The following SCLT1 variants were observed in gnomAD, a reference collection of about 807,000 sequenced individuals.
The protein encoded by SCLT1 is sodium channel and clathrin linker 1.
A neutral mutation model predicts 112.8 loss-of-function variants in SCLT1; 78 were observed. The ratio of observed to expected loss-of-function variants is 0.69; its 90% CI spans 0.58 to 0.83. SCLT1 has a LOEUF of 0.83. SCLT1 is among the 40% of genes least tolerant of loss of function. SCLT1 has a pLI of 0.00. For missense variants in SCLT1, 747 were observed against 770.4 expected (o/e 0.97, Z 0.36); for synonymous variants, 257 against 254.7 (o/e 1.01, Z -0.09).
intron 9 of SCLT1, among the ~76,000 whole-genome samples, chr4:128,980,902 G>A (rs1741590649): frequency 6.6e-6 from 1 of 152,120 alleles, no homozygotes; most frequent in South Asian, 2.1e-4. Flanking sequence ...GAAAATAATT[G>A]TGCCCTTAGA....
intron 2 of SCLT1, among the ~76,000 whole-genome samples, chr4:129,049,395 C>T (rs1211741964): frequency 4.1e-5 from 6 of 147,910 alleles, no homozygotes; most frequent in Non-Finnish European, 7.4e-5. Context: ...AACCAAACAC[C>T]GCATGTTCTC....
chr4:129,086,810 T>G (rs1211558273), intron 1 of SCLT1, among the ~76,000 whole-genome samples: 1 of 151,642 alleles, frequency 6.6e-6, no homozygotes, highest in Non-Finnish European at 1.5e-5. Context: ...GATGAGGAGG[T>G]CAAAGAACAG....
chr4:128,968,156 A>G (rs1225511559), intron 10 of SCLT1, among the ~76,000 whole-genome samples: 5 of 152,020 alleles, frequency 3.3e-5, no homozygotes, highest in African/African-American at 1.2e-4. Context: ...TTATTTCTTT[A>G]ATTTTTTTCT....
intron 5 of SCLT1, among the ~76,000 whole-genome samples, chr4:129,007,789 T>A (rs1217064918): frequency 6.6e-6 from 1 of 152,146 alleles, no homozygotes; most frequent in African/African-American, 2.4e-5. Context: ...GTCTTGACTT[T>A]AAAAAAACAA....
At chr4:129,019,134 G>T (rs898768985) in intron 5 of SCLT1, among the ~76,000 whole-genome samples, 14 of 152,004 alleles carry the variant, frequency 9.2e-5, no homozygotes, top group Admixed American at 9.2e-4. Flanking sequence ...TATAGTCCAA[G>T]ACTTTAATTT....
At chr4:128,968,555 C>A (rs72922045) in intron 10 of SCLT1, among the ~76,000 whole-genome samples, 1,850 of 152,214 alleles carry the variant, frequency 0.012, 28 homozygotes, top group Middle Eastern at 0.037. Context: ...TCTAACAGAT[C>A]GATCCATTTA....
intron 5 of SCLT1, chr4:129,037,228 T>C (rs184262774): frequency 7.9e-5 from 12 of 152,274 alleles, no homozygotes; most frequent in African/African-American, 2.9e-4. Flanking sequence ...AAACACCTAT[T>C]ATCTAATGTG....
chr4:129,042,256 T>C (rs1156413215), intron 4 of SCLT1, among the ~76,000 whole-genome samples: 2 of 152,174 alleles, frequency 1.3e-5, no homozygotes, highest in Non-Finnish European at 2.9e-5. Context: ...AATACTTCTA[T>C]TATATGGTTA....
chr4:129,048,692 A>G (rs1748439939), intron 2 of SCLT1, among the ~76,000 whole-genome samples: 1 of 152,222 alleles, frequency 6.6e-6, no homozygotes, highest in South Asian at 2.1e-4. Context: ...GTGAACAGGC[A>G]ACCTACAAAA....
intron 18 of SCLT1, among the ~76,000 whole-genome samples, chr4:128,913,902 T>C (rs1414024449): frequency 1.3e-5 from 2 of 152,148 alleles, no homozygotes; most frequent in African/African-American, 2.4e-5. Flanking sequence ...TTCACTGGTA[T>C]TGTCTTTTAA....
At chr4:128,893,614 C>T (rs1733499442) in intron 18 of SCLT1, among the ~76,000 whole-genome samples, 1 of 152,150 alleles carries the variant, frequency 6.6e-6, no homozygotes, top group Non-Finnish European at 1.5e-5. Context: ...GCCATCTCGG[C>T]TCACTGCAAG....
At chr4:128,899,614 C>A (rs1453887104) in intron 18 of SCLT1, among the ~76,000 whole-genome samples, 2 of 152,164 alleles carry the variant, frequency 1.3e-5, no homozygotes, top group Non-Finnish European at 1.5e-5. Flanking sequence ...AAAACTGGCA[C>A]AAGACAGGGA....
intron 18 of SCLT1, among the ~76,000 whole-genome samples, chr4:128,927,386 G>T (rs988720073): frequency 2.6e-5 from 4 of 151,890 alleles, no homozygotes; most frequent in Non-Finnish European, 5.9e-5. Context: ...ACCAGACTGG[G>T]CAACATAATG....
intron 5 of SCLT1, among the ~76,000 whole-genome samples, chr4:129,015,383 C>T (rs115301619): frequency 0.021 from 3,195 of 152,104 alleles, 104 homozygotes; most frequent in African/African-American, 0.066. Flanking sequence ...CCCAGGGCAC[C>T]TGAGGCTGTT....
intron 2 of SCLT1, among the ~76,000 whole-genome samples, chr4:129,074,339 C>T (rs181517841): frequency 7.9e-5 from 12 of 152,104 alleles, no homozygotes; most frequent in African/African-American, 2.4e-4. Flanking sequence ...TAAGAAAATA[C>T]GAACCTAAGA....
chr4:128,922,185 A>G (rs1735937759), intron 18 of SCLT1, among the ~76,000 whole-genome samples: 1 of 152,198 alleles, frequency 6.6e-6, no homozygotes, highest in Non-Finnish European at 1.5e-5. Flanking sequence ...CGGAATGCCT[A>G]TCCTCTGCTG....
At chr4:129,062,127 C>A (rs565756100) in intron 2 of SCLT1, among the ~76,000 whole-genome samples, 2 of 152,262 alleles carry the variant, frequency 1.3e-5, no homozygotes, top group South Asian at 2.1e-4. Context: ...TCCTGCTTAC[C>A]TTTCCCAAGT....
intron 5 of SCLT1, among the ~76,000 whole-genome samples, chr4:129,009,509 G>A (rs1157950078): frequency 6.9e-6 from 1 of 144,642 alleles, no homozygotes; most frequent in Non-Finnish European, 1.5e-5. Flanking sequence ...GTGAGACTCT[G>A]TCTCAAAAAG....
At chr4:129,074,135 T>C (rs1389289242) in intron 2 of SCLT1, among the ~76,000 whole-genome samples, 1 of 152,212 alleles carries the variant, frequency 6.6e-6, no homozygotes, top group Non-Finnish European at 1.5e-5. Context: ...ATGCTGTTTA[T>C]CTTGTTATTT....
Sources: gnomAD v4.1 joint callset for allele counts (sites outside exome capture counted in the v4.1 genomes callset) on GRCh38, gnomAD v4.1.1 for gene constraint, MANE v1.5 for transcripts, NCBI Gene and HGNC (gene_info 2026-07-23, HGNC 2026-07-21) for gene names.